MAGI2: variants seen among roughly 807,000 people sequenced by gnomAD.
MAGI2 encodes the protein membrane-associated guanylate kinase, WW and PDZ domain-containing protein 2.
A neutral mutation model predicts 133.3 loss-of-function variants in MAGI2; 35 were observed. The ratio of observed to expected loss-of-function variants is 0.26; its 90% CI spans 0.20 to 0.35. The LOEUF is 0.35. Among genes scored for constraint, MAGI2 ranks in the 10% least tolerant of loss-of-function variants. The probability of loss-of-function intolerance (pLI) is 1.00; values close to 1 mark genes in which losing one functional copy is unlikely to be tolerated. For missense variants in MAGI2, 1,636 were observed against 1,863.4 expected, an observed-to-expected ratio of 0.88 and a Z score of 2.25; for synonymous variants, 729 against 710.6, an observed-to-expected ratio of 1.03 and a Z score of -0.41.
chr7:78,247,113 T>C (rs183248228), intron 10 of MAGI2, among the ~76,000 whole-genome samples: 26 of 152,252 alleles, frequency 1.7e-4, no homozygotes, highest in Admixed American at 2.6e-4. Context: ...TGCAGCTGCA[T>C]ATTGACCATG....
chr7:78,393,236 T>C (rs750694111), intron 6 of MAGI2, among the ~76,000 whole-genome samples: 8 of 152,104 alleles, frequency 5.3e-5, no homozygotes, highest in South Asian at 2.1e-4. Context: ...TCTGGAAACA[T>C]AGGAACAAAG....
chr7:78,464,209 A>G (rs1790377437), intron 6 of MAGI2, among the ~76,000 whole-genome samples: 1 of 152,130 alleles, frequency 6.6e-6, no homozygotes, highest in South Asian at 2.1e-4. Flanking sequence ...TGGGACCTAC[A>G]AATGCATCTT....
chr7:78,550,741 A>G (rs538145461), intron 3 of MAGI2, among the ~76,000 whole-genome samples: 3 of 148,636 alleles, frequency 2.0e-5, no homozygotes, highest in African/African-American at 7.3e-5. Flanking sequence ...GTTAGTGTTG[A>G]GCATCCTCTG....
intron 1 of MAGI2, among the ~76,000 whole-genome samples, chr7:79,445,779 C>G (rs1488080264): frequency 1.3e-5 from 2 of 152,142 alleles, no homozygotes; most frequent in African/African-American, 4.8e-5. Context: ...GGATCTAGAA[C>G]TAGAAATACC....
chr7:78,470,277 C>T (rs207468102), intron 6 of MAGI2, among the ~76,000 whole-genome samples: 1 of 152,082 alleles, frequency 6.6e-6, no homozygotes, highest in Non-Finnish European at 1.5e-5. Context: ...GTTCTGACCA[C>T]TGTGGAATCT....
chr7:78,051,291 T>C (rs1187349253), intron 21 of MAGI2, among the ~76,000 whole-genome samples: 2 of 152,190 alleles, frequency 1.3e-5, no homozygotes, highest in Non-Finnish European at 2.9e-5. Context: ...GGGCCGATGA[T>C]TTTTTTAAAC....
At chr7:78,955,089 A>C (rs1269755321) in intron 2 of MAGI2, among the ~76,000 whole-genome samples, 1 of 152,124 alleles carries the variant, frequency 6.6e-6, no homozygotes, top group Non-Finnish European at 1.5e-5. Flanking sequence ...AAATACACTA[A>C]GCCCCTTATT....
intron 3 of MAGI2, among the ~76,000 whole-genome samples, chr7:78,591,887 T>G (rs1477055306): frequency 1.3e-5 from 2 of 152,148 alleles, no homozygotes; most frequent in African/African-American, 4.8e-5. Context: ...GAGCAAGATG[T>G]TACAAACAAT....
At chr7:78,243,787 A>AGACTTT (rs1791443022) in intron 10 of MAGI2, among the ~76,000 whole-genome samples, 1 of 152,106 alleles carries the variant, frequency 6.6e-6, no homozygotes, top group South Asian at 2.1e-4. Context: ...ATTAAGCAGA[A>AGACTTT]GACTTTGTTG....
At chr7:78,329,353 A>T (rs1788932652) in intron 9 of MAGI2, among the ~76,000 whole-genome samples, 1 of 152,200 alleles carries the variant, frequency 6.6e-6, no homozygotes, top group Non-Finnish European at 1.5e-5. Context: ...AAGTCTCTTT[A>T]TTCAGAATAC....
At chr7:78,020,505 C>T (rs1346673837) in intron 21 of MAGI2, among the ~76,000 whole-genome samples, 1 of 151,994 alleles carries the variant, frequency 6.6e-6, no homozygotes, top group East Asian at 1.9e-4. Context: ...AATCTTTTGG[C>T]TTCTTTGGGC....
intron 1 of MAGI2, among the ~76,000 whole-genome samples, chr7:79,431,962 C>A (rs886581105): frequency 4.6e-5 from 7 of 152,288 alleles, no homozygotes; most frequent in Admixed American, 3.3e-4. Flanking sequence ...TCTCCATAAG[C>A]TTCCTCATGT....
intron 1 of MAGI2, among the ~76,000 whole-genome samples, chr7:79,038,144 GTA>G (rs1258877286): frequency 7.2e-5 from 11 of 152,126 alleles, no homozygotes; most frequent in African/African-American, 2.7e-4. Flanking sequence ...TATTCTAACT[GTA>G]TTATTTCATC....
At chr7:78,206,434 G>T (rs1398026573) in intron 10 of MAGI2, among the ~76,000 whole-genome samples, 2 of 151,904 alleles carry the variant, frequency 1.3e-5, no homozygotes, top group South Asian at 2.1e-4. Flanking sequence ...TGGGACTACA[G>T]GTGTGTGCCA....
intron 10 of MAGI2, among the ~76,000 whole-genome samples, chr7:78,244,378 T>C (rs1243619380): frequency 6.6e-6 from 1 of 151,842 alleles, no homozygotes; most frequent in East Asian, 1.9e-4. Flanking sequence ...AAAAAATTAA[T>C]TACTATGGAA....
At chr7:78,422,251 G>A (rs551422402) in intron 6 of MAGI2, among the ~76,000 whole-genome samples, 4 of 152,044 alleles carry the variant, frequency 2.6e-5, no homozygotes, top group African/African-American at 4.8e-5. Flanking sequence ...CGGTACATGC[G>A]TATTCTCATT....
rs546545547 is a variant in MAGI2 at position 79,183,767 on chromosome 7, A to C, written c.302-176561T>G. Among the ~76,000 whole-genome samples the C allele has an allele frequency of 1.1e-4, 17 of 152,100 alleles. No individual in the cohort carries two copies. The East Asian group carries it at 3.3e-3, about 29-fold the overall frequency. On this transcript the variant is annotated intron_variant, in intron 1 of 21. Coordinates refer to ENST00000354212, the MANE Select transcript of MAGI2 (RefSeq NM_012301.4). ...CCATCAGTAGATAAATAGATAAAGA[A>C]AATGTGAATATATACGCAAGGAAAT...
chr7:78,270,210 GT>G (rs1166436235), intron 9 of MAGI2, among the ~76,000 whole-genome samples: 1 of 152,104 alleles, frequency 6.6e-6, no homozygotes, highest in African/African-American at 2.4e-5. Context: ...GATGTCTCCA[GT>G]TTTGTTCTTT....
intron 2 of MAGI2, among the ~76,000 whole-genome samples, chr7:78,942,202 C>T (rs376887274): frequency 1.3e-5 from 2 of 152,094 alleles, no homozygotes; most frequent in East Asian, 1.9e-4. Flanking sequence ...AGATGATATA[C>T]CAAATTTTGC....
Sources: gnomAD v4.1 joint callset for allele counts (sites outside exome capture counted in the v4.1 genomes callset) on GRCh38, gnomAD v4.1.1 for gene constraint, MANE v1.5 for transcripts, NCBI Gene and HGNC (gene_info 2026-07-23, HGNC 2026-07-21) for gene names.